Variants in ZNF804A observed in about 807,000 individuals in gnomAD.
ZNF804A encodes the protein zinc finger protein 804A.
A neutral mutation model predicts 16.5 loss-of-function variants in ZNF804A; 2 were observed. That is an observed-to-expected ratio of 0.12 (90% CI 0.05 to 0.38). The LOEUF (loss-of-function observed/expected upper bound fraction) is 0.38, where lower values mean the gene tolerates loss of function less well. Ranked by LOEUF, ZNF804A falls within the 10% of genes least tolerant of loss-of-function variation. The pLI is 0.99. For missense variants in ZNF804A, 1,473 were observed against 1,390.7 expected, an observed-to-expected ratio of 1.06 and a Z score of -0.94; for synonymous variants, 534 against 489.6, an observed-to-expected ratio of 1.09 and a Z score of -1.20.
In ZNF804A at chr2:184,830,596, AAGT is replaced by A. The variant is rs1333038684; in HGVS notation, c.112-35771_112-35769del. Among the ~76,000 whole-genome samples, 4 of 152,212 alleles carry A rather than the reference AAGT, an allele frequency of 2.6e-5. No individual in the cohort carries two copies. The East Asian group carries it at 5.8e-4, about 22-fold the overall frequency. On this transcript the variant is annotated intron_variant, in intron 1 of 3. Coordinates refer to ENST00000302277, the MANE Select transcript of ZNF804A (RefSeq NM_194250.2). ...CAATGATGCTGTGAAATGCTAACGT[AAGT>A]ATCTGTATTTTAGTAAGCAGACAAG...
At chr2:184,774,743 C>T (rs996243014) in intron 1 of ZNF804A, among the ~76,000 whole-genome samples, 1 of 151,388 alleles carries the variant, frequency 6.6e-6, no homozygotes, top group Non-Finnish European at 1.5e-5. Context: ...ACATTTTTGC[C>T]TTATTTGAGG....
chr2:184,849,403 G>T (rs920958625), intron 1 of ZNF804A, among the ~76,000 whole-genome samples: 13 of 151,968 alleles, frequency 8.6e-5, no homozygotes, highest in Non-Finnish European at 1.8e-4. Flanking sequence ...TGGGAAAAAT[G>T]GATATCTATA....
intron 1 of ZNF804A, among the ~76,000 whole-genome samples, chr2:184,814,639 G>T (rs1389995399): frequency 6.6e-6 from 1 of 152,040 alleles, no homozygotes; most frequent in Non-Finnish European, 1.5e-5. Context: ...TGGCTTTCAA[G>T]AGCTGCCTGG....
intron 2 of ZNF804A, among the ~76,000 whole-genome samples, chr2:184,895,490 CT>C (rs1261394273): frequency 5.9e-5 from 9 of 152,146 alleles, no homozygotes; most frequent in Non-Finnish European, 1.3e-4. Context: ...ACACACAAAT[CT>C]GGCAACTAGG....
intron 2 of ZNF804A, among the ~76,000 whole-genome samples, chr2:184,912,404 A>G (rs1279468287): frequency 1.3e-5 from 2 of 151,864 alleles, no homozygotes; most frequent in Non-Finnish European, 2.9e-5. Context: ...TAGTGTTGTT[A>G]TGGTCATTTG....
chr2:184,813,228 T>C (rs747341986), intron 1 of ZNF804A, among the ~76,000 whole-genome samples: 28 of 152,196 alleles, frequency 1.8e-4, no homozygotes, highest in Admixed American at 1.0e-3. Context: ...TAGTAGGCAC[T>C]ATGATAATTA....
rs189600401 is a variant in ZNF804A at position 184,749,514 on chromosome 2, G to A, written c.112-116855G>A. Among the ~76,000 whole-genome samples the A allele has an allele frequency of 1.2e-3, 180 of 151,282 alleles. 2 individuals carry two copies. The highest frequency in any genetic ancestry group is 3.9e-3 in the Admixed American group (59 of 15,110). On this transcript the variant is annotated intron_variant, in intron 1 of 3. Transcript: ENST00000302277. The stretch of plus-strand genomic sequence containing the variant: ...GGTTTTCTAAGTATAGACCCAGATC[G>A]TCAACAAAGAGGTAGAGTTTGACTT...
At chr2:184,657,628 A>G (rs571502674) in intron 1 of ZNF804A, among the ~76,000 whole-genome samples, 1 of 152,280 alleles carries the variant, frequency 6.6e-6, no homozygotes, top group East Asian at 1.9e-4. Context: ...GAGTATATGC[A>G]CCCAAATTAA....
intron 1 of ZNF804A, among the ~76,000 whole-genome samples, chr2:184,722,405 T>C (rs1463457082): frequency 6.6e-6 from 1 of 152,072 alleles, no homozygotes; most frequent in Non-Finnish European, 1.5e-5. Flanking sequence ...GAGTTAAACA[T>C]GGCTATCTAG....
chr2:184,614,950 A>G (rs1409395899), intron 1 of ZNF804A, among the ~76,000 whole-genome samples: 1 of 152,216 alleles, frequency 6.6e-6, no homozygotes, highest in Non-Finnish European at 1.5e-5. Context: ...AGTGTAAATT[A>G]GTTCAACTAT....
intron 1 of ZNF804A, among the ~76,000 whole-genome samples, chr2:184,780,926 G>C (rs1694363121): frequency 1.3e-5 from 2 of 151,686 alleles, no homozygotes; most frequent in Admixed American, 6.6e-5. Context: ...GGGTGGGTTA[G>C]TCTTCTGAAA....
chr2:184,619,110 G>T (rs531631756), intron 1 of ZNF804A, among the ~76,000 whole-genome samples: 5 of 152,118 alleles, frequency 3.3e-5, no homozygotes, highest in African/African-American at 1.2e-4. Flanking sequence ...AAAGTAATCA[G>T]CAAGGAGCCT....
At position 184,706,904 on chromosome 2, in the gene ZNF804A, T is replaced by C. The variant is rs983960490; in HGVS notation, c.111+107834T>C. 3.9e-5 allele frequency among the ~76,000 whole-genome samples: 6 copies of C among 152,336 alleles called. No individual in the cohort carries two copies. In the East Asian group the frequency reaches 5.8e-4, roughly 15 times the overall value. On this transcript the variant is annotated intron_variant, in intron 1 of 3. Coordinates refer to ENST00000302277, the MANE Select transcript of ZNF804A (RefSeq NM_194250.2). ...TAGAATTAAAACTACATGAATATCA[T>C]TGGGAAGTAAGCCAGACAGAGTTTA...
At chr2:184,915,302 T>C (rs1352224406) in intron 2 of ZNF804A, among the ~76,000 whole-genome samples, 1 of 152,104 alleles carries the variant, frequency 6.6e-6, no homozygotes, top group Non-Finnish European at 1.5e-5. Context: ...TTCAAGAATA[T>C]CTCAAATATT....
At chr2:184,675,434 A>G (rs1011503585) in intron 1 of ZNF804A, among the ~76,000 whole-genome samples, 2 of 151,776 alleles carry the variant, frequency 1.3e-5, no homozygotes, top group African/African-American at 4.8e-5. Flanking sequence ...ACATATTACA[A>G]TGATATATTT....
chr2:184,787,135 C>T (rs1360637142), intron 1 of ZNF804A, among the ~76,000 whole-genome samples: 3 of 151,842 alleles, frequency 2.0e-5, no homozygotes, highest in Non-Finnish European at 4.4e-5. Flanking sequence ...TCTGGAATCC[C>T]CAGAGGTTAT....
At chr2:184,701,149 G>A (rs1046424969) in intron 1 of ZNF804A, among the ~76,000 whole-genome samples, 1 of 151,790 alleles carries the variant, frequency 6.6e-6, no homozygotes, top group Non-Finnish European at 1.5e-5. Flanking sequence ...ATGTTTTAGT[G>A]TTTGCCTTAC....
At chr2:184,769,831 G>C (rs1404865039) in intron 1 of ZNF804A, among the ~76,000 whole-genome samples, 4 of 152,084 alleles carry the variant, frequency 2.6e-5, no homozygotes, top group African/African-American at 7.2e-5. Flanking sequence ...GGTAATCAGA[G>C]CTCAGATGTT....
intron 1 of ZNF804A, among the ~76,000 whole-genome samples, chr2:184,860,488 A>G (rs1484217935): frequency 1.3e-5 from 2 of 152,210 alleles, no homozygotes; most frequent in East Asian, 3.9e-4. Context: ...GTGATGACCT[A>G]ATGACTAGGG....
Sources: allele counts gnomAD v4.1 joint callset (sites outside exome capture counted in the v4.1 genomes callset), GRCh38; gene constraint gnomAD v4.1.1; transcripts MANE v1.5; gene names NCBI Gene and HGNC (gene_info 2026-07-23, HGNC 2026-07-21).